SLC9C2: variants seen among roughly 807,000 people sequenced by gnomAD.
The protein encoded by SLC9C2 is solute carrier family 9 member C2 (putative).
SLC9C2 carries 75 observed loss-of-function variants against 140.2 expected under a neutral mutation model. The observed-to-expected ratio is 0.53, with a 90% CI of 0.44 to 0.65. The LOEUF is 0.65. Ranked by LOEUF, SLC9C2 falls within the 30% of genes least tolerant of loss-of-function variation. The pLI is 0.00. For missense variants in SLC9C2, 1,074 were observed against 1,331.8 expected (o/e 0.81, Z 3.01); for synonymous variants, 375 against 420.9 (o/e 0.89, Z 1.34).
chr1:173,565,270 G>T (rs1265168621), intron 9 of SLC9C2, among the ~76,000 whole-genome samples: 1 of 152,134 alleles, frequency 6.6e-6, no homozygotes, highest in East Asian at 1.9e-4. Flanking sequence ...TATTACTCAA[G>T]AAATCTATGC....
chr1:173,520,277 A>G (rs1660718452), intron 22 of SLC9C2, among the ~76,000 whole-genome samples: 1 of 152,182 alleles, frequency 6.6e-6, no homozygotes, highest in Admixed American at 6.5e-5. Context: ...CATGTTGGCC[A>G]GGCTGGTCTC....
intron 13 of SLC9C2, among the ~76,000 whole-genome samples, chr1:173,537,728 G>A (rs188286477): frequency 1.3e-5 from 2 of 151,972 alleles, no homozygotes; most frequent in Admixed American, 1.3e-4. Context: ...AATAGAGAGT[G>A]CAAAGTATTA....
chr1:173,577,626 C>T (rs558923304), intron 7 of SLC9C2, among the ~76,000 whole-genome samples: 3 of 152,224 alleles, frequency 2.0e-5, no homozygotes, highest in African/African-American at 7.2e-5. Context: ...CCTCACCTTC[C>T]TCCATTAGTG....
At chr1:173,593,127 A>G (rs1235265355) in intron 4 of SLC9C2, among the ~76,000 whole-genome samples, 1 of 152,210 alleles carries the variant, frequency 6.6e-6, no homozygotes, top group Non-Finnish European at 1.5e-5. Flanking sequence ...ACAAAAACAC[A>G]CTGAAGTACA....
At chr1:173,589,401 T>G (rs963558144) in intron 4 of SLC9C2, among the ~76,000 whole-genome samples, 10 of 151,650 alleles carry the variant, frequency 6.6e-5, no homozygotes, top group Non-Finnish European at 1.0e-4. Context: ...TTACTAAAAA[T>G]AAGAAAAAAT....
intron 3 of SLC9C2, 133 bp downstream of exon 3, chr1:173,599,984 T>C (rs965464500): frequency 1.9e-6 from 1 of 537,912 alleles, no homozygotes; most frequent in Non-Finnish European, 3.3e-6. Context: ...CCAAATTTTT[T>C]AATACCAGAT....
At chr1:173,518,986 G>A (rs1263927014) in intron 22 of SLC9C2, among the ~76,000 whole-genome samples, 1 of 152,066 alleles carries the variant, frequency 6.6e-6, no homozygotes, top group Admixed American at 6.5e-5. Context: ...GTGGAATTAA[G>A]GTTGCTAATT....
chr1:173,592,632 G>T (rs1666228464), intron 4 of SLC9C2, among the ~76,000 whole-genome samples: 1 of 152,132 alleles, frequency 6.6e-6, no homozygotes, highest in Admixed American at 6.5e-5. Flanking sequence ...GAATGAGATT[G>T]CATTCCTAAT....
chr1:173,511,535 C>T (rs1354150419), intron 23 of SLC9C2, among the ~76,000 whole-genome samples: 1 of 152,014 alleles, frequency 6.6e-6, no homozygotes, highest in African/African-American at 2.4e-5. Context: ...TGTTTAAGTT[C>T]CTTGTAGATT....
At chr1:173,553,914 C>CTA (rs1663492241) in intron 11 of SLC9C2, among the ~76,000 whole-genome samples, 1 of 152,208 alleles carries the variant, frequency 6.6e-6, no homozygotes, top group South Asian at 2.1e-4. Flanking sequence ...GCATATTGAA[C>CTA]TATACTAAGG....
At chr1:173,536,104 A>G (rs1353175073) in intron 14 of SLC9C2, among the ~76,000 whole-genome samples, 155 bp from the exon 15 acceptor site, 1 of 152,180 alleles carries the variant, frequency 6.6e-6, no homozygotes, top group Non-Finnish European at 1.5e-5. Context: ...CTATCCATCC[A>G]TGGTCATGGT....
rs547951528 is a variant in SLC9C2 at position 173,540,319 on chromosome 1, C to T, written c.1558-3280G>A. On this transcript the variant is annotated intron_variant, in intron 13 of 27. Coordinates refer to ENST00000367714, the MANE Select transcript of SLC9C2 (RefSeq NM_178527.4). Reference sequence around the variant, plus strand: ...CAAAGCGAGACCAACAATAGAATCACCTGGATTGCCAACACACAGAACCAT... The same window carrying T: ...CAAAGCGAGACCAACAATAGAATCATCTGGATTGCCAACACACAGAACCAT... Among the ~76,000 whole-genome samples the T allele has an allele frequency of 5.9e-5, 9 of 152,294 alleles. No individual in the cohort carries two copies. In the South Asian group the frequency reaches 1.9e-3, roughly 32 times the overall value.
At chr1:173,541,262 C>A (rs370524389) in intron 13 of SLC9C2, among the ~76,000 whole-genome samples, 3 of 151,876 alleles carry the variant, frequency 2.0e-5, no homozygotes, top group African/African-American at 7.2e-5. Flanking sequence ...GAGACAAAGG[C>A]GGCCATTACA....
Position 173,517,559 on chromosome 1 carries a change from A to G in SLC9C2, c.2885T>C (p.Val962Ala), listed in dbSNP as rs373428010. The G allele has an allele frequency of 8.8e-5, 141 of 1,609,282 alleles. No individual in the cohort carries two copies. Among genetic ancestry groups the G allele is most frequent in the Middle Eastern group, 3.3e-4 (2 of 6,068 alleles). Residue 962 changes from valine (V) to alanine (A), a missense_variant, in exon 23 of 28, where the codon GTC (valine) becomes GCC (alanine). Val to Ala is a moderately conservative substitution (Grantham distance 64). Transcript: ENST00000367714. ...CLLKREIEYTVICETSLQACF... is the reference protein window; with the variant it reads ...CLLKREIEYTAICETSLQACF... ...TACCTGTAAACTAGTTTCACAGATG[A>G]CGGTATATTCAATTTCACGCTTAAG...
chr1:173,528,487 C>G (rs921231358), intron 18 of SLC9C2, among the ~76,000 whole-genome samples: 1 of 152,134 alleles, frequency 6.6e-6, no homozygotes, highest in Non-Finnish European at 1.5e-5. Context: ...TCAATCCAGC[C>G]TTTGAGTAGT....
chr1:173,551,322 CAT>C (rs1371273635), intron 11 of SLC9C2, among the ~76,000 whole-genome samples: 4 of 152,164 alleles, frequency 2.6e-5, no homozygotes, highest in South Asian at 4.1e-4. Flanking sequence ...AAATTTCAGA[CAT>C]AGAAATTCAT....
chr1:173,550,152 G>A (rs762102687), intron 11 of SLC9C2, among the ~76,000 whole-genome samples: 11 of 152,038 alleles, frequency 7.2e-5, no homozygotes, highest in Non-Finnish European at 1.2e-4. Context: ...CTATAATCTC[G>A]ACACTTTGGG....
chr1:173,543,062 T>C (rs1446790686), intron 13 of SLC9C2, among the ~76,000 whole-genome samples: 1 of 152,164 alleles, frequency 6.6e-6, no homozygotes, highest in Non-Finnish European at 1.5e-5. Context: ...AAAGAGGAAG[T>C]CAAATTGTCC....
At chr1:173,516,823 A>G (rs1017302122) in intron 23 of SLC9C2, among the ~76,000 whole-genome samples, 2 of 152,226 alleles carry the variant, frequency 1.3e-5, no homozygotes, top group Non-Finnish European at 2.9e-5. Flanking sequence ...TCCTTTGGGT[A>G]TATACCCAGT....
Sources: allele counts gnomAD v4.1 joint callset (sites outside exome capture counted in the v4.1 genomes callset), GRCh38; gene constraint gnomAD v4.1.1; transcripts MANE v1.5; gene names NCBI Gene and HGNC (gene_info 2026-07-23, HGNC 2026-07-21).